Variants in OSMR observed in about 807,000 individuals in gnomAD.
OSMR encodes oncostatin M receptor.
OSMR carries 81 observed loss-of-function variants against 99.9 expected under a neutral mutation model. The observed-to-expected ratio is 0.81, with a 90% CI of 0.68 to 0.97. OSMR has a LOEUF of 0.97. OSMR is among the 50% of genes least tolerant of loss of function. OSMR has a pLI of 0.00. For synonymous variants in OSMR, 406 were observed against 410.4 expected (o/e 0.99, Z 0.13); for missense variants, 1,099 against 1,153.4 (o/e 0.95, Z 0.68).
At chr5:38,857,273 A>G (rs999555629) in intron 1 of OSMR, among the ~76,000 whole-genome samples, 2 of 152,194 alleles carry the variant, frequency 1.3e-5, no homozygotes, top group African/African-American at 4.8e-5. Flanking sequence ...ATGAGATGAG[A>G]TTTCCTTTCA....
chr5:38,871,762 A>G (rs944682373), intron 2 of OSMR, among the ~76,000 whole-genome samples: 1 of 152,162 alleles, frequency 6.6e-6, no homozygotes, highest in Non-Finnish European at 1.5e-5. Flanking sequence ...TATGCTCAGG[A>G]TTTTTTTATT....
intron 1 of OSMR, among the ~76,000 whole-genome samples, chr5:38,861,505 C>G (rs985785653): frequency 1.3e-5 from 2 of 152,196 alleles, no homozygotes; most frequent in African/African-American, 4.8e-5. Context: ...TGAAAAGTCT[C>G]CCATGTCTAC....
chr5:38,920,108 G>A (rs1225133431), intron 11 of OSMR, among the ~76,000 whole-genome samples: 1 of 152,168 alleles, frequency 6.6e-6, no homozygotes, highest in Non-Finnish European at 1.5e-5. Context: ...GAGGAAGGGA[G>A]AGACCAGTTC....
At chr5:38,870,162 T>TA (rs1428876028) in intron 2 of OSMR, among the ~76,000 whole-genome samples, 1 of 152,158 alleles carries the variant, frequency 6.6e-6, no homozygotes, top group Non-Finnish European at 1.5e-5. Flanking sequence ...TTCAGCATCT[T>TA]AAAAACCATA....
intron 7 of OSMR, among the ~76,000 whole-genome samples, chr5:38,898,772 T>C (rs1398918697): frequency 1.3e-5 from 2 of 152,048 alleles, no homozygotes; most frequent in Admixed American, 6.6e-5. Flanking sequence ...ATATTCGTTA[T>C]ACATATTTTT....
downstream of OSMR, chr5:38,938,112 T>G (rs1747166965): frequency 4.8e-6 from 1 of 209,522 alleles, no homozygotes. Context: ...CAATGAAATA[T>G]TCTTACAGAA....
chr5:38,925,667 C>T (rs757628982), intron 15 of OSMR, among the ~76,000 whole-genome samples: 21 of 152,170 alleles, frequency 1.4e-4, no homozygotes, highest in Non-Finnish European at 2.1e-4. Context: ...TCTCACAATC[C>T]TGTATGTAGT....
intron 1 of OSMR, among the ~76,000 whole-genome samples, chr5:38,852,953 G>A (rs1225689639): frequency 6.6e-6 from 1 of 151,334 alleles, no homozygotes; most frequent in East Asian, 1.9e-4. Flanking sequence ...GGATGGTCTC[G>A]ATCTCCTGAC....
intron 3 of OSMR, among the ~76,000 whole-genome samples, chr5:38,880,371 T>C (rs1033891004): frequency 2.6e-5 from 4 of 152,118 alleles, no homozygotes; most frequent in African/African-American, 9.7e-5. Flanking sequence ...CTTGCAGCTG[T>C]GGGGCAGGAA....
chr5:38,888,775 C>A (rs1321775618), intron 7 of OSMR, among the ~76,000 whole-genome samples: 1 of 152,098 alleles, frequency 6.6e-6, no homozygotes, highest in Non-Finnish European at 1.5e-5. Flanking sequence ...TAATGTTCAC[C>A]ATTAGAGCTT....
chr5:38,866,245 G>T (rs751350642), intron 1 of OSMR, among the ~76,000 whole-genome samples: 3 of 152,192 alleles, frequency 2.0e-5, no homozygotes, highest in Non-Finnish European at 2.9e-5. Flanking sequence ...AATGCTAGCT[G>T]TGGTAGGTGG....
chr5:38,915,911 T>A (rs566219412), intron 9 of OSMR, among the ~76,000 whole-genome samples: 1 of 152,302 alleles, frequency 6.6e-6, no homozygotes, highest in East Asian at 1.9e-4. Context: ...TACCTGTGAG[T>A]CCCTTTCTTG....
rs189618884 is a variant in OSMR at position 38,924,857 on chromosome 5, G to T, written c.2044+262G>T. Among the ~76,000 whole-genome samples the T allele has an allele frequency of 3.2e-3, 475 of 150,438 alleles. 11 individuals are homozygous for T. Among genetic ancestry groups the T allele is most frequent in the Admixed American group, 0.03 (447 of 15,128 alleles). ...CACCACCAGCTCCTTAAGAAAGCCT[G>T]GCCTTTATGAAACTTTCCTCTTTTT... On this transcript the variant is annotated intron_variant, in intron 14 of 17. Transcript: ENST00000274276.
chr5:38,931,680 T>C, intron 15 of OSMR: 1 of 548,892 alleles, frequency 1.8e-6, no homozygotes, highest in Non-Finnish European at 2.3e-6. Flanking sequence ...ACGGTGTTGA[T>C]GGCAAATGGC....
intron 1 of OSMR, among the ~76,000 whole-genome samples, chr5:38,858,086 T>G (rs1740994225): frequency 6.6e-6 from 1 of 152,240 alleles, no homozygotes; most frequent in Non-Finnish European, 1.5e-5. Context: ...TCTTTTAGGA[T>G]ATCTATCACC....
chr5:38,849,024 T>G (rs1740139399), intron 1 of OSMR, among the ~76,000 whole-genome samples: 1 of 152,140 alleles, frequency 6.6e-6, no homozygotes, highest in African/African-American at 2.4e-5. Flanking sequence ...GCAGTCCACC[T>G]GCCTTGGCCT....
intron 1 of OSMR, among the ~76,000 whole-genome samples, chr5:38,861,395 C>T (rs928686852): frequency 6.6e-6 from 1 of 152,038 alleles, no homozygotes; most frequent in Admixed American, 6.5e-5. Flanking sequence ...CCATTTAAAC[C>T]TGAGTGGACA....
chr5:38,851,728 G>C (rs2112025412), intron 1 of OSMR, among the ~76,000 whole-genome samples: 1 of 152,282 alleles, frequency 6.6e-6, no homozygotes, highest in South Asian at 2.1e-4. Flanking sequence ...GATGTGGTTT[G>C]GCTGTGTCCC....
At chr5:38,865,007 C>A (rs1741830091) in intron 1 of OSMR, among the ~76,000 whole-genome samples, 1 of 152,084 alleles carries the variant, frequency 6.6e-6, no homozygotes, top group Admixed American at 6.6e-5. Flanking sequence ...TTTCAAAAGA[C>A]CTGTATACAA....
Sources: gnomAD v4.1 joint callset for allele counts (sites outside exome capture counted in the v4.1 genomes callset) on GRCh38, gnomAD v4.1.1 for gene constraint, MANE v1.5 for transcripts, NCBI Gene and HGNC (gene_info 2026-07-23, HGNC 2026-07-21) for gene names.